Variants in PCDHGA2 observed in about 807,000 individuals in gnomAD.
PCDHGA2 encodes the protein protocadherin gamma-A2.
A neutral mutation model predicts 59.2 loss-of-function variants in PCDHGA2; 40 were observed. That is an observed-to-expected ratio of 0.68 (90% CI 0.52 to 0.88). The LOEUF (loss-of-function observed/expected upper bound fraction) is 0.88. PCDHGA2 is among the 40% of genes least tolerant of loss of function. The pLI is 0.00. For missense variants in PCDHGA2, 1,226 were observed against 1,204.0 expected (o/e 1.02, Z -0.27); for synonymous variants, 560 against 526.0 (o/e 1.06, Z -0.89).
At chr5:141,370,557 G>C in intron 1 of PCDHGA2, 3 of 1,613,966 alleles carry the variant, frequency 1.9e-6, no homozygotes, top group Non-Finnish European at 2.5e-6. Flanking sequence ...CAAGGACCTG[G>C]GGTTTGGCGT....
chr5:141,489,867 G>C lies in PCDHGA2; in HGVS notation c.2425-4940G>C. ...ATCGTGAAGCCCAGGCAAGACATCA[G>C]CTGGTGCTTACTGCTGTGGATGGGG... On this transcript the variant is annotated intron_variant, in intron 1 of 3. Transcript: ENST00000394576. This position sits in a 1 kb window ranked among gnomAD's most constrained non-coding sequence, Gnocchi z 4.5. 1 of 1,614,240 alleles carries C rather than the reference G, an allele frequency of 6.2e-7. No individual in the cohort carries two copies. Among genetic ancestry groups the C allele is most frequent in the Non-Finnish European group, 8.5e-7 (1 of 1,180,034 alleles).
chr5:141,405,120 A>G (rs1223444295), intron 1 of PCDHGA2: 2 of 1,613,938 alleles, frequency 1.2e-6, no homozygotes, highest in Non-Finnish European at 1.7e-6. Context: ...CACTCCTCGC[A>G]TCTGCTGCGG....
rs1273620361 is a variant in PCDHGA2, at chr5:141,486,809, A to G, written c.2425-7998A>G. 1 of 1,614,106 alleles carries G rather than the reference A, an allele frequency of 6.2e-7. No homozygotes were observed. The highest frequency in any genetic ancestry group is 1.3e-5 in the African/African-American group (1 of 74,936). On this transcript the variant is annotated intron_variant, in intron 1 of 3. Coordinates refer to ENST00000394576, the MANE Select transcript of PCDHGA2 (RefSeq NM_018915.4). This position sits in a 1 kb window ranked among gnomAD's most constrained non-coding sequence, Gnocchi z 5.0. ...CCGGGATCGGGGCAACCCACCCCTT[A>G]GCAGCACTGTAACAGTTCGTCTATT...
intron 1 of PCDHGA2, chr5:141,413,804 CCATTCACCACCTGGTCCTCA>C: frequency 1.2e-6 from 2 of 1,613,194 alleles, no homozygotes; most frequent in Non-Finnish European, 1.7e-6. Flanking sequence ...GAGGAAGAGG[CCATTCACCACCTGGTCCTCA>C]CCGCCTCCGA....
intron 1 of PCDHGA2, chr5:141,426,906 C>T (rs2096969568): frequency 4.4e-6 from 2 of 456,654 alleles, no homozygotes; most frequent in Admixed American, 2.3e-5. Context: ...CTCTCATCTC[C>T]TGGTCCTGGA....
intron 1 of PCDHGA2, among the ~76,000 whole-genome samples, chr5:141,480,400 G>A (rs1364147575): frequency 6.8e-6 from 1 of 146,550 alleles, no homozygotes; most frequent in Non-Finnish European, 1.5e-5. Context: ...TGGCAATAGA[G>A]TGAGACCCTG....
Position 141,487,070 on chromosome 5 carries a change from C to T in PCDHGA2, c.2425-7737C>T. ...TGCTGGGGAGGTGCGGACGGCTGTT[C>T]CTATCCCAGCTGACCTCCCACCACA... On this transcript the variant is annotated intron_variant, in intron 1 of 3. Coordinates refer to ENST00000394576, the MANE Select transcript of PCDHGA2 (RefSeq NM_018915.4). This position sits in a 1 kb window ranked among gnomAD's most constrained non-coding sequence, Gnocchi z 5.0. The T allele has an allele frequency of 6.2e-7, 1 of 1,614,154 alleles. No homozygotes were observed. Among genetic ancestry groups the T allele is most frequent in the Non-Finnish European group, 8.5e-7 (1 of 1,180,008 alleles).
intron 1 of PCDHGA2, chr5:141,393,237 A>C (rs1561641299): frequency 6.2e-7 from 1 of 1,613,684 alleles, no homozygotes; most frequent in Non-Finnish European, 8.5e-7. Context: ...AGAAGTAAAA[A>C]TTAACGAAAT....
chr5:141,497,793 G>A (rs2099779480), intron 2 of PCDHGA2, among the ~76,000 whole-genome samples: 1 of 152,180 alleles, frequency 6.6e-6, no homozygotes, highest in Admixed American at 6.5e-5. Flanking sequence ...ACCTGCTTCA[G>A]CTTCCCAAAG....
At chr5:141,355,761 T>C in intron 1 of PCDHGA2, 2 of 1,613,946 alleles carry the variant, frequency 1.2e-6, no homozygotes, top group Non-Finnish European at 1.7e-6. Context: ...GTGGGGCCGA[T>C]GGGATTAAGT....
In PCDHGA2 at chr5:141,414,949, G is replaced by A. The variant is rs774769957; in HGVS notation, c.2424+73554G>A. On this transcript the variant is annotated intron_variant, in intron 1 of 3. Transcript: ENST00000394576. ...CCGCTCCGCAGAGCCCGGCTACCTGGTGACCAAGGTGGTGGCGGTGGACAG... is the reference window on the plus strand; with the variant it reads ...CCGCTCCGCAGAGCCCGGCTACCTGATGACCAAGGTGGTGGCGGTGGACAG... The A allele has an allele frequency of 8.1e-6, 13 of 1,614,096 alleles. 1 individual carries two copies. The South Asian group carries it at 1.4e-4, about 18-fold the overall frequency.
Position 141,489,517 on chromosome 5 carries a change from G to C in PCDHGA2, c.2425-5290G>C. The C allele has an allele frequency of 6.2e-7, 1 of 1,614,136 alleles. No individual in the cohort carries two copies. Among genetic ancestry groups the C allele is most frequent in the Non-Finnish European group, 8.5e-7 (1 of 1,180,044 alleles). On this transcript the variant is annotated intron_variant, in intron 1 of 3. Transcript: ENST00000394576. The surrounding 1 kb of genome is among the most constrained non-coding windows in gnomAD (Gnocchi z 4.5). ...GGCAGTGAATCAAAAGATTGACCGA[G>C]AAAGCCTATGTGGAGCCAGCACCAG...
intron 1 of PCDHGA2, chr5:141,428,464 G>A (rs904800167): frequency 1.1e-4 from 37 of 344,652 alleles, no homozygotes; most frequent in African/African-American, 6.3e-4. Context: ...CTACAATGAG[G>A]GAACTTTGCT....
intron 1 of PCDHGA2, among the ~76,000 whole-genome samples, chr5:141,406,577 A>T (rs558329088): frequency 6.6e-6 from 1 of 152,274 alleles, no homozygotes; most frequent in South Asian, 2.1e-4. Context: ...TAGTAAACCA[A>T]TTTTTTCCCT....
Position 141,448,073 on chromosome 5 carries a change from C to T in PCDHGA2, c.2425-46734C>T, listed in dbSNP as rs1025112556. ...TGCTCTCCAGCCTGGGCAACATGAA[C>T]GAAATGCCATCTTAAAAAAAAAAAA... On this transcript the variant is annotated intron_variant, in intron 1 of 3. Coordinates refer to ENST00000394576, the MANE Select transcript of PCDHGA2 (RefSeq NM_018915.4). 3.3e-5 allele frequency among the ~76,000 whole-genome samples: 5 copies of T among 151,432 alleles called. No individual in the cohort carries two copies. In the East Asian group the frequency reaches 5.8e-4, roughly 18 times the overall value.
In PCDHGA2 at chr5:141,340,774, C is replaced by A; in HGVS notation, c.1803C>A (p.Asn601Lys). Residue 601 changes from asparagine to lysine, a missense_variant, in exon 1 of 4, where the codon AAC becomes AAA. Transcript: ENST00000394576. ...CGGTGGACAGAGACTCGGGCCAGAA[C>A]GCCTGGCTGTCTTACCACCTGCTCA... ...VVAVDRDSGQ[N>K]AWLSYHLLKA... is the part of the protein sequence containing the mutation. The A allele has an allele frequency of 6.2e-7, 1 of 1,613,928 alleles. No homozygotes were observed. The highest frequency in any genetic ancestry group is 8.5e-7 in the Non-Finnish European group (1 of 1,180,038).
chr5:141,471,017 A>G (rs989277146), intron 1 of PCDHGA2, among the ~76,000 whole-genome samples: 3 of 143,850 alleles, frequency 2.1e-5, no homozygotes, highest in African/African-American at 7.8e-5. Context: ...GTGCCTGGTC[A>G]ATCATTTTTA....
intron 1 of PCDHGA2, chr5:141,428,370 C>A: frequency 1.8e-6 from 1 of 540,734 alleles, no homozygotes; most frequent in Non-Finnish European, 3.4e-6. Flanking sequence ...TCGCCTTGCA[C>A]CTGCGATGCT....
chr5:141,482,049 C>G (rs1456071625), intron 1 of PCDHGA2, among the ~76,000 whole-genome samples: 2 of 149,284 alleles, frequency 1.3e-5, no homozygotes, highest in Non-Finnish European at 3.0e-5. Context: ...CATGCTGTTG[C>G]ATTCCAGCCT....
Sources: allele counts gnomAD v4.1 joint callset (sites outside exome capture counted in the v4.1 genomes callset), GRCh38; gene constraint gnomAD v4.1.1; non-coding constraint Gnocchi (gnomAD v3.1); transcripts MANE v1.5; gene names NCBI Gene and HGNC (gene_info 2026-07-23, HGNC 2026-07-21).